Variants in OSBPL8 observed in about 807,000 individuals in gnomAD.
OSBPL8 encodes oxysterol binding protein like 8.
A neutral mutation model predicts 125.5 loss-of-function variants in OSBPL8; 59 were observed. That is an observed-to-expected ratio of 0.47 (90% confidence interval 0.38 to 0.58). The LOEUF is 0.58. Among genes scored for constraint, OSBPL8 ranks in the 20% least tolerant of loss-of-function variants. The pLI is 0.00. For missense variants in OSBPL8, 758 were observed against 1,047.8 expected, an observed-to-expected ratio of 0.72 and a Z score of 3.82; for synonymous variants, 330 against 338.9, an observed-to-expected ratio of 0.97 and a Z score of 0.29.
At chr12:76,493,017 T>C (rs1878898237) in intron 1 of OSBPL8, among the ~76,000 whole-genome samples, 1 of 152,176 alleles carries the variant, frequency 6.6e-6, no homozygotes, top group African/African-American at 2.4e-5. Flanking sequence ...TTCCTCTAAG[T>C]TGCAGTCAAA....
intron 16 of OSBPL8, among the ~76,000 whole-genome samples, chr12:76,376,350 G>A (rs1952818810): frequency 6.6e-6 from 1 of 152,144 alleles, no homozygotes; most frequent in Non-Finnish European, 1.5e-5. Flanking sequence ...CTTTTGAGAG[G>A]GGAACAGACT....
At chr12:76,436,246 C>A (rs1249474758) in intron 4 of OSBPL8, among the ~76,000 whole-genome samples, 1 of 152,090 alleles carries the variant, frequency 6.6e-6, no homozygotes. Context: ...GGCTGCCACA[C>A]TCCAAAAATT....
intron 1 of OSBPL8, among the ~76,000 whole-genome samples, chr12:76,496,449 C>T (rs1414347840): frequency 6.6e-6 from 1 of 151,506 alleles, no homozygotes; most frequent in Admixed American, 6.6e-5. Context: ...CAGCTCACTA[C>T]AACCTCAACC....
intron 2 of OSBPL8, among the ~76,000 whole-genome samples, chr12:76,479,735 T>C (rs558038756): frequency 6.6e-6 from 1 of 152,192 alleles, no homozygotes; most frequent in Non-Finnish European, 1.5e-5. Context: ...ATTCATATTG[T>C]AGAAAACTCC....
intron 1 of OSBPL8, among the ~76,000 whole-genome samples, chr12:76,505,581 A>G (rs1460587526): frequency 6.6e-6 from 1 of 152,124 alleles, no homozygotes; most frequent in Non-Finnish European, 1.5e-5. Flanking sequence ...AAAAGGTAAA[A>G]TTTTAGATAG....
chr12:76,354,430 T>C lies in OSBPL8; in HGVS notation c.*1459A>G, dbSNP rs1951916222. ...AATCAATGTATTTATTTACCAATCTTGTATTTATCATGGCATAAACGATTA... is the reference window on the plus strand; with the variant it reads ...AATCAATGTATTTATTTACCAATCTCGTATTTATCATGGCATAAACGATTA... On this transcript the variant is annotated 3_prime_UTR_variant, in exon 24 of 24. Transcript: ENST00000261183. The C allele has an allele frequency of 6.6e-6, 1 of 151,948 alleles. No individual in the cohort carries two copies. The highest frequency in any genetic ancestry group is 2.4e-5 in the African/African-American group (1 of 41,424). 9.4% of individuals were successfully genotyped at this position (151,948 alleles called of 1,614,324 possible).
chr12:76,410,850 C>T (rs1021978377), intron 4 of OSBPL8, among the ~76,000 whole-genome samples: 2 of 152,132 alleles, frequency 1.3e-5, no homozygotes, highest in Non-Finnish European at 1.5e-5. Flanking sequence ...CCACCAACAT[C>T]GTGAAATATC....
At chr12:76,547,290 A>C (rs1020647943) in intron 1 of OSBPL8, among the ~76,000 whole-genome samples, 3 of 152,206 alleles carry the variant, frequency 2.0e-5, no homozygotes, top group Admixed American at 6.5e-5. Context: ...AATGTATTTA[A>C]ATTTATTTAC....
chr12:76,352,233 A>G lies in OSBPL8; in HGVS notation c.*3656T>C, dbSNP rs1951849881. On this transcript the variant is annotated 3_prime_UTR_variant, in exon 24 of 24. Coordinates refer to ENST00000261183, the MANE Select transcript of OSBPL8 (RefSeq NM_020841.5). ...TTTTGATACTGTAAAACAGTTTTAC[A>G]TAATAAATGCAAAAAGATAACATTT... 6.6e-6 allele frequency: 1 copy of G among 152,532 alleles called. No homozygotes were observed. Among genetic ancestry groups the G allele is most frequent in the Admixed American group, 6.5e-5 (1 of 15,274 alleles). The allele number at this position is 152,532 out of a possible 1,614,324, so 9.4% of individuals were successfully genotyped here. A position where few individuals can be genotyped will look rare whatever the true frequency, so the allele number is the denominator to read the frequency against.
chr12:76,522,250 C>G (rs1000742254), intron 1 of OSBPL8, among the ~76,000 whole-genome samples: 5 of 151,632 alleles, frequency 3.3e-5, no homozygotes, highest in African/African-American at 1.2e-4. Context: ...CATGAATTAA[C>G]TAGTTCTAGA....
At position 76,418,333 on chromosome 12, in the gene OSBPL8, C is replaced by T. The variant is rs1251955462; in HGVS notation, c.218-7699G>A. On this transcript the variant is annotated intron_variant, in intron 4 of 23. Transcript: ENST00000261183. Reference sequence around the variant, plus strand: ...TTTCACTACTTTCTTAACAGCCTTTCTCCAAAGTATTCTGTCTCTTGTTTA... The same window carrying T: ...TTTCACTACTTTCTTAACAGCCTTTTTCCAAAGTATTCTGTCTCTTGTTTA... Among the ~76,000 whole-genome samples the T allele has an allele frequency of 2.6e-5, 4 of 152,180 alleles. 1 individual carries two copies. The highest frequency in any genetic ancestry group is 6.8e-3 in the Middle Eastern group (2 of 294).
At chr12:76,396,766 A>G (rs985896111) in intron 8 of OSBPL8, among the ~76,000 whole-genome samples, 8 of 152,068 alleles carry the variant, frequency 5.3e-5, no homozygotes, top group Non-Finnish European at 1.2e-4. Flanking sequence ...ACACACATAC[A>G]TACACAAAAC....
At chr12:76,531,079 C>T (rs1396522374) in intron 1 of OSBPL8, among the ~76,000 whole-genome samples, 1 of 152,150 alleles carries the variant, frequency 6.6e-6, no homozygotes, top group African/African-American at 2.4e-5. Context: ...ACTCACAGTT[C>T]CACATGGCTG....
chr12:76,484,361 CT>C (rs1320845385), intron 2 of OSBPL8, among the ~76,000 whole-genome samples: 3 of 152,218 alleles, frequency 2.0e-5, no homozygotes, highest in Non-Finnish European at 4.4e-5. Flanking sequence ...TCTCCAACTA[CT>C]CTAGTGTGGA....
intron 2 of OSBPL8, among the ~76,000 whole-genome samples, chr12:76,468,418 A>C (rs1875722646): frequency 6.6e-6 from 1 of 152,200 alleles, no homozygotes; most frequent in Non-Finnish European, 1.5e-5. Flanking sequence ...AGTGATCTGT[A>C]ATTTTCTCCC....
At chr12:76,538,792 A>T (rs916475602) in intron 1 of OSBPL8, among the ~76,000 whole-genome samples, 4 of 151,914 alleles carry the variant, frequency 2.6e-5, no homozygotes, top group Non-Finnish European at 4.4e-5. Flanking sequence ...TACTAAAAAT[A>T]CAAACATTAG....
intron 21 of OSBPL8, among the ~76,000 whole-genome samples, chr12:76,366,971 AT>A: frequency 6.6e-6 from 1 of 152,258 alleles, no homozygotes; most frequent in South Asian, 2.1e-4. Context: ...CATATGGTCT[AT>A]CCTGGAGAAT....
At chr12:76,414,598 C>T (rs1339158753) in intron 4 of OSBPL8, among the ~76,000 whole-genome samples, 1 of 151,482 alleles carries the variant, frequency 6.6e-6, no homozygotes, top group Non-Finnish European at 1.5e-5. Context: ...ACAAGAGACA[C>T]ATGTCACTAG....
intron 4 of OSBPL8, among the ~76,000 whole-genome samples, chr12:76,448,599 A>G (rs1592700787): frequency 6.6e-6 from 1 of 152,222 alleles, no homozygotes; most frequent in African/African-American, 2.4e-5. Flanking sequence ...AATACAATCG[A>G]CAACTAAGCA....
Sources: gnomAD v4.1 joint callset for allele counts (sites outside exome capture counted in the v4.1 genomes callset) on GRCh38, gnomAD v4.1.1 for gene constraint, MANE v1.5 for transcripts, NCBI Gene and HGNC (gene_info 2026-07-23, HGNC 2026-07-21) for gene names.